The following ZC3H18 variants were observed in gnomAD, a reference collection of about 807,000 sequenced individuals.
ZC3H18 encodes zinc finger CCCH-type containing 18, also known as zinc finger CCCH domain-containing protein 18.
In ZC3H18, 8 loss-of-function variants were observed where a neutral mutation model predicts 106.1. The ratio of observed to expected loss-of-function variants is 0.08; its 90% CI spans 0.04 to 0.14. The LOEUF is 0.14. ZC3H18 is among the 10% of genes least tolerant of loss of function. ZC3H18 has a pLI of 1.00. For synonymous variants in ZC3H18, 635 were observed against 522.1 expected (o/e 1.22, Z -2.95); for missense variants, 1,318 against 1,278.4 (o/e 1.03, Z -0.47).
At chr16:88,574,667 AT>A (rs35816940) in intron 1 of ZC3H18, among the ~76,000 whole-genome samples, 3,438 of 79,812 alleles carry the variant, frequency 0.043, 137 homozygotes, top group African/African-American at 0.16. Flanking sequence ...CACCCAGCTA[AT>A]TTTTTTTTTT....
chr16:88,576,549 C>T (rs1038840496), intron 1 of ZC3H18, among the ~76,000 whole-genome samples: 4 of 152,012 alleles, frequency 2.6e-5, no homozygotes, highest in Admixed American at 6.6e-5. Context: ...AAAGGGCAGC[C>T]AAGGGATTCT....
At chr16:88,596,969 G>A (rs1904472501) in intron 3 of ZC3H18, among the ~76,000 whole-genome samples, 1 of 152,182 alleles carries the variant, frequency 6.6e-6, no homozygotes, top group Non-Finnish European at 1.5e-5. Flanking sequence ...TGCCCAGGCT[G>A]GAGTGCAGTG....
chr16:88,628,724 C>G (rs1014505620), intron 15 of ZC3H18, 34 bp from the exon 16 acceptor site: 1 of 1,611,284 alleles, frequency 6.2e-7, no homozygotes, highest in Non-Finnish European at 8.5e-7. Context: ...GGCTCCTGGC[C>G]CTGCTGTCCT....
At chr16:88,605,184 C>G (rs1904952308) in intron 6 of ZC3H18, among the ~76,000 whole-genome samples, 1 of 152,214 alleles carries the variant, frequency 6.6e-6, no homozygotes, top group Non-Finnish European at 1.5e-5. Flanking sequence ...GGGGAAGCCC[C>G]CTGAGTGAGC....
At chr16:88,626,850 G>A (rs1477692619) in intron 13 of ZC3H18, among the ~76,000 whole-genome samples, 9 of 152,166 alleles carry the variant, frequency 5.9e-5, no homozygotes, top group Admixed American at 2.0e-4. Flanking sequence ...TTGAGTGCAC[G>A]CCAGTGAAGC....
intron 1 of ZC3H18, among the ~76,000 whole-genome samples, chr16:88,574,537 TTTTG>T (rs879814719): frequency 8.6e-5 from 13 of 151,402 alleles, no homozygotes; most frequent in Admixed American, 8.6e-4. Flanking sequence ...CTTTTTTGTT[TTTTG>T]TTTGAGTCAG....
chr16:88,583,453 T>C (rs1217455422), intron 2 of ZC3H18, among the ~76,000 whole-genome samples: 1 of 152,228 alleles, frequency 6.6e-6, no homozygotes, highest in Non-Finnish European at 1.5e-5. Flanking sequence ...TGCCCCGTGG[T>C]GCAAAGGGGA....
At chr16:88,621,471 G>T (rs571650041) in intron 8 of ZC3H18, among the ~76,000 whole-genome samples, 1 of 151,882 alleles carries the variant, frequency 6.6e-6, no homozygotes, top group African/African-American at 2.4e-5. Context: ...TGATTCGCCC[G>T]CCTCGGCCTC....
At chr16:88,582,219 CTT>C (rs71391393) in intron 2 of ZC3H18, among the ~76,000 whole-genome samples, 159 of 77,156 alleles carry the variant, frequency 2.1e-3, no homozygotes, top group South Asian at 0.012. Flanking sequence ...TTTTTCTTTT[CTT>C]TTTTTTTTTT....
At position 88,577,708 on chromosome 16, in the gene ZC3H18, CGAT is replaced by C; in HGVS notation, c.590_592del (p.Asp197del). 1 of 1,613,448 alleles carries C rather than the reference CGAT, an allele frequency of 6.2e-7. No homozygotes were observed. Among genetic ancestry groups the C allele is most frequent in the Non-Finnish European group, 8.5e-7 (1 of 1,180,022 alleles). ...AGAAAGAGGACGATGATGGAGAAAT[CGAT>C]GATGGGGAAATAGACGTGAGTATGA... is the stretch of plus-strand genomic sequence containing the variant. On this transcript the variant is annotated inframe_deletion, in exon 2 of 18. Coordinates refer to ENST00000301011, the MANE Select transcript of ZC3H18 (RefSeq NM_144604.4).
chr16:88,585,416 A>ATGGGCCTGCCCTGGCAGACG (rs1188796545), intron 2 of ZC3H18, among the ~76,000 whole-genome samples: 24 of 152,320 alleles, frequency 1.6e-4, no homozygotes, highest in South Asian at 6.2e-4. Flanking sequence ...CAACTTGGCG[A>ATGGGCCTGCCCTGGCAGACG]TGGGCCTGCC....
intron 8 of ZC3H18, among the ~76,000 whole-genome samples, chr16:88,616,799 G>T (rs1905636867): frequency 6.6e-6 from 1 of 152,160 alleles, no homozygotes; most frequent in Non-Finnish European, 1.5e-5. Context: ...TCTGCCTTCA[G>T]CTACCAAGCA....
chr16:88,630,781 C>G (rs1016757384), intron 17 of ZC3H18, among the ~76,000 whole-genome samples, 200 bp downstream of exon 17: 1 of 145,928 alleles, frequency 6.9e-6, no homozygotes, highest in Admixed American at 6.8e-5. Flanking sequence ...CACACACACG[C>G]TCCTGCCCTG....
At chr16:88,602,197 C>G (rs900573484) in intron 6 of ZC3H18, among the ~76,000 whole-genome samples, 1 of 152,220 alleles carries the variant, frequency 6.6e-6, no homozygotes, top group African/African-American at 2.4e-5. Context: ...CAAAGCAGGT[C>G]GCAGCTTGTA....
chr16:88,610,381 A>G lies in ZC3H18; in HGVS notation c.1207-887A>G, dbSNP rs1905215747. 2.6e-5 allele frequency among the ~76,000 whole-genome samples: 4 copies of G among 152,154 alleles called. No homozygotes were observed. In the South Asian group the frequency reaches 6.2e-4, roughly 24 times the overall value. ...GGAAGAGGGCCCCATCGTGCCAGAA[A>G]AGTCCCCCTGCTCGATGCTCTTGTG... On this transcript the variant is annotated intron_variant, in intron 7 of 17. Coordinates refer to ENST00000301011, the MANE Select transcript of ZC3H18 (RefSeq NM_144604.4).
intron 12 of ZC3H18, 36 bp from the exon 13 acceptor site, chr16:88,625,166 C>G: frequency 6.4e-7 from 1 of 1,555,938 alleles, no homozygotes; most frequent in Non-Finnish European, 8.7e-7. Flanking sequence ...CTGTGGAGGC[C>G]ACGCCCCCTG....
chr16:88,573,944 C>G (rs946945863), intron 1 of ZC3H18, among the ~76,000 whole-genome samples: 2 of 151,718 alleles, frequency 1.3e-5, no homozygotes, highest in Admixed American at 1.3e-4. Context: ...ACAATCTTGG[C>G]TCACTGCAAC....
rs57632461 is a variant in ZC3H18, at chr16:88,590,564, C to CTTTTTTTTTTTTTTTTTTT, written c.688+3896_688+3897insTTTTTTTTTTTTTTTTTTT. 2.4e-3 allele frequency among the ~76,000 whole-genome samples: 238 copies of CTTTTTTTTTTTTTTTTTTT among 100,638 alleles called. 5 individuals are homozygous for CTTTTTTTTTTTTTTTTTTT. The highest frequency in any genetic ancestry group is 3.4e-3 in the Non-Finnish European group (182 of 53,664). The allele number at this position is 100,638 out of a possible 152,430, so 66.0% of individuals were successfully genotyped here. A position where few individuals can be genotyped will look rare whatever the true frequency, so the allele number is the denominator to read the frequency against. ...TGTCCCACTTTGGGTTTCTTTATTT[C>CTTTTTTTTTTTTTTTTTTT]TTTTTTTTTTTTTTTTGAGACAGTG... On this transcript the variant is annotated intron_variant, in intron 3 of 17. Coordinates refer to ENST00000301011, the MANE Select transcript of ZC3H18 (RefSeq NM_144604.4).
chr16:88,585,882 A>G (rs983338442), intron 2 of ZC3H18, among the ~76,000 whole-genome samples: 3 of 152,030 alleles, frequency 2.0e-5, no homozygotes, highest in Non-Finnish European at 4.4e-5. Flanking sequence ...GAGTACTTCC[A>G]TCTTGGATGG....
Sources: allele counts gnomAD v4.1 joint callset (sites outside exome capture counted in the v4.1 genomes callset), GRCh38; gene constraint gnomAD v4.1.1; transcripts MANE v1.5; gene names NCBI Gene and HGNC (gene_info 2026-07-23, HGNC 2026-07-21).